PIP4K2A: variants seen among roughly 807,000 people sequenced by gnomAD.
PIP4K2A encodes the protein phosphatidylinositol-5-phosphate 4-kinase type 2 alpha, also known as phosphatidylinositol 5-phosphate 4-kinase type-2 alpha.
A neutral mutation model predicts 42.9 loss-of-function variants in PIP4K2A; 14 were observed. The observed-to-expected ratio is 0.33, with a 90% CI of 0.22 to 0.51. The LOEUF (loss-of-function observed/expected upper bound fraction) is 0.51. Ranked by LOEUF, PIP4K2A falls within the 20% of genes least tolerant of loss-of-function variation. The pLI is 0.97. For missense variants in PIP4K2A, 434 were observed against 519.8 expected (o/e 0.83, Z 1.61); for synonymous variants, 192 against 192.2 (o/e 1.00, Z 0.01).
intron 1 of PIP4K2A, among the ~76,000 whole-genome samples, chr10:22,637,202 A>T (rs1313249742): frequency 6.6e-6 from 1 of 152,174 alleles, no homozygotes; most frequent in Non-Finnish European, 1.5e-5. Flanking sequence ...TGGCCCCATG[A>T]TTTGACACCT....
At chr10:22,708,413 G>C (rs555028297) in intron 1 of PIP4K2A, among the ~76,000 whole-genome samples, 1 of 152,232 alleles carries the variant, frequency 6.6e-6, no homozygotes, top group Admixed American at 6.5e-5. Context: ...AGGTCTCAAT[G>C]GTCTATCCCA....
intron 1 of PIP4K2A, among the ~76,000 whole-genome samples, chr10:22,657,794 G>T (rs1301069072): frequency 9.2e-5 from 14 of 152,156 alleles, no homozygotes; most frequent in Admixed American, 9.2e-4. Flanking sequence ...AACCCATTTT[G>T]CCCAGGCATG....
intron 1 of PIP4K2A, among the ~76,000 whole-genome samples, chr10:22,664,228 T>TAC (rs370820884): frequency 0.62 from 55,645 of 89,122 alleles, 18,170 homozygotes; most frequent in East Asian, 0.83. Flanking sequence ...CATATATATA[T>TAC]ACACACACAC....
At chr10:22,549,003 T>C (rs1451821142) in intron 7 of PIP4K2A, among the ~76,000 whole-genome samples, 1 of 152,148 alleles carries the variant, frequency 6.6e-6, no homozygotes, top group Non-Finnish European at 1.5e-5. Context: ...CAGTGAGCTA[T>C]GCTCATGCCA....
intron 1 of PIP4K2A, among the ~76,000 whole-genome samples, chr10:22,677,939 A>AG (rs1223248520): frequency 3.9e-5 from 6 of 152,188 alleles, no homozygotes; most frequent in African/African-American, 1.4e-4. Context: ...TAGGCCACTA[A>AG]GGGCTCTTAA....
intron 7 of PIP4K2A, among the ~76,000 whole-genome samples, chr10:22,546,366 A>G (rs1187104357): frequency 6.6e-6 from 1 of 152,186 alleles, no homozygotes; most frequent in Non-Finnish European, 1.5e-5. Flanking sequence ...CGGGGGAAAA[A>G]GAACCATATG....
chr10:22,689,061 A>C (rs1374888112), intron 1 of PIP4K2A, among the ~76,000 whole-genome samples: 2 of 152,126 alleles, frequency 1.3e-5, no homozygotes, highest in Non-Finnish European at 2.9e-5. Flanking sequence ...TCCTTAGCAG[A>C]TTTTTCTTCG....
intron 1 of PIP4K2A, among the ~76,000 whole-genome samples, chr10:22,615,450 C>T (rs960207702): frequency 1.3e-5 from 2 of 152,096 alleles, no homozygotes; most frequent in Admixed American, 1.3e-4. Context: ...ATTGGGAACA[C>T]GCACACATAT....
At chr10:22,610,076 AATGTT>A (rs1468880093) in intron 1 of PIP4K2A, among the ~76,000 whole-genome samples, 1 of 152,254 alleles carries the variant, frequency 6.6e-6, no homozygotes, top group African/African-American at 2.4e-5. Context: ...CTGTAAAGAA[AATGTT>A]ATCTGAGAAA....
intron 3 of PIP4K2A, among the ~76,000 whole-genome samples, chr10:22,606,623 A>T (rs1001159138): frequency 1.3e-5 from 2 of 152,230 alleles, no homozygotes; most frequent in Non-Finnish European, 1.5e-5. Flanking sequence ...GATCTTTAGG[A>T]AAGTGTGCTA....
chr10:22,572,948 ACTT>A (rs1232811889), intron 5 of PIP4K2A, among the ~76,000 whole-genome samples: 1 of 151,934 alleles, frequency 6.6e-6, no homozygotes, highest in Non-Finnish European at 1.5e-5. Context: ...AGCACTTACC[ACTT>A]CTGGGTATGC....
At chr10:22,553,792 T>G (rs1836468296) in intron 6 of PIP4K2A, among the ~76,000 whole-genome samples, 1 of 24,110 alleles carries the variant, frequency 4.1e-5, no homozygotes, top group Non-Finnish European at 9.3e-5. Context: ...TGAAAAACTT[T>G]TTTTTTTTTT....
Position 22,558,723 on chromosome 10 carries a change from T to C in PIP4K2A, c.679-7951A>G, listed in dbSNP as rs9787718. Among the ~76,000 whole-genome samples the C allele has an allele frequency of 2.6e-5, 4 of 152,334 alleles. No homozygotes were observed. The East Asian group carries it at 5.8e-4, about 22-fold the overall frequency. On this transcript the variant is annotated intron_variant, in intron 6 of 9. Transcript: ENST00000376573. Reference sequence around the variant, plus strand: ...AGAATGTGCACATCTGTGACTAGCATCCAGATGTGAACATCTTATAATTTT... The same window carrying C: ...AGAATGTGCACATCTGTGACTAGCACCCAGATGTGAACATCTTATAATTTT...
Position 22,561,565 on chromosome 10 carries a change from G to GTTTTTTTTTTTTTTTT in PIP4K2A, c.678+6270_678+6285dup, listed in dbSNP as rs71394001. Among the ~76,000 whole-genome samples the GTTTTTTTTTTTTTTTT allele has an allele frequency of 5.3e-5, 6 of 113,500 alleles. 3 individuals are homozygous for GTTTTTTTTTTTTTTTT. The highest frequency in any genetic ancestry group is 7.1e-5 in the African/African-American group (2 of 28,314). 74.5% of individuals were successfully genotyped at this position (113,500 alleles called of 152,430 possible). ...TATGTCACCAGAGATTCTCTACGCA[G>GTTTTTTTTTTTTTTTT]TTTTTTTTTTTTTTTTTTTTTTTTT... is the stretch of plus-strand genomic sequence containing the variant. On this transcript the variant is annotated intron_variant, in intron 6 of 9. Transcript: ENST00000376573.
At position 22,550,704 on chromosome 10, in the gene PIP4K2A, G is replaced by A. The variant is rs1472511103; in HGVS notation, c.747C>T (p.Asp249=). 1 of 1,607,344 alleles carries A rather than the reference G, an allele frequency of 6.2e-7. No homozygotes were observed. Among genetic ancestry groups the A allele is most frequent in the East Asian group, 2.2e-5 (1 of 44,844 alleles). Residue 249 remains aspartate (D), a synonymous_variant, in exon 7 of 10, where the codon GAC becomes GAT. Transcript: ENST00000376573. ...TTTCCAGGAAGACCTTCTTGTTGTTGTCATCAATATAAATCTTTTGGCCCT... is the reference window on the plus strand; with the variant it reads ...TTTCCAGGAAGACCTTCTTGTTGTTATCATCAATATAAATCTTTTGGCCCT... ...INEGQKIYID[D]NNKKVFLEKL... is the part of the protein sequence containing the mutation.
chr10:22,694,434 T>C (rs980694662), intron 1 of PIP4K2A: 1 of 152,308 alleles, frequency 6.6e-6, no homozygotes, highest in South Asian at 2.1e-4. Context: ...CTTTCAGTAA[T>C]GAGGTGGGGC....
intron 1 of PIP4K2A, among the ~76,000 whole-genome samples, chr10:22,696,676 A>T (rs1839979435): frequency 6.6e-6 from 1 of 152,206 alleles, no homozygotes; most frequent in Non-Finnish European, 1.5e-5. Flanking sequence ...CATATAGTTT[A>T]TTCATACTGA....
chr10:22,596,616 T>G (rs1837641405), intron 3 of PIP4K2A, among the ~76,000 whole-genome samples: 1 of 152,222 alleles, frequency 6.6e-6, no homozygotes, highest in African/African-American at 2.4e-5. Context: ...GTTGGATGCT[T>G]GGACAAGTTG....
intron 3 of PIP4K2A, among the ~76,000 whole-genome samples, chr10:22,598,972 G>A (rs1462815700): frequency 1.3e-5 from 2 of 151,708 alleles, no homozygotes; most frequent in African/African-American, 4.8e-5. Context: ...ATTAGTTAAA[G>A]TCACCTGTTC....
Sources: allele counts gnomAD v4.1 joint callset (sites outside exome capture counted in the v4.1 genomes callset), GRCh38; gene constraint gnomAD v4.1.1; transcripts MANE v1.5; gene names NCBI Gene and HGNC (gene_info 2026-07-23, HGNC 2026-07-21).